KLHL40: variants seen among roughly 807,000 people sequenced by gnomAD.
KLHL40 encodes kelch like family member 40.
A neutral mutation model predicts 49.7 loss-of-function variants in KLHL40; 44 were observed. That is an observed-to-expected ratio of 0.89 (90% confidence interval 0.70 to 1.14). The LOEUF is 1.14. KLHL40 is among the 50% of genes most tolerant of loss of function. The pLI is 0.00. For synonymous variants in KLHL40, 409 were observed against 365.2 expected, an observed-to-expected ratio of 1.12 and a Z score of -1.37; for missense variants, 892 against 850.3, an observed-to-expected ratio of 1.05 and a Z score of -0.61.
chr3:42,688,301 C>T lies in KLHL40; in HGVS notation c.1312C>T (p.Leu438=), dbSNP rs200589852. 2.2e-5 allele frequency: 35 copies of T among 1,613,480 alleles called. No individual in the cohort carries two copies. The highest frequency in any genetic ancestry group is 2.7e-5 in the African/African-American group (2 of 74,736). The change falls in exon 2 of 6, where the codon CTG becomes TTG. Residue 438 remains leucine, a splice_region_variant and synonymous_variant. Coordinates refer to ENST00000287777, the MANE Select transcript of KLHL40 (RefSeq NM_152393.4). The surrounding 1 kb of genome is among the most constrained non-coding windows in gnomAD (Gnocchi z 4.2). ...GGACTCGGTCATGTGCTACGACAGG[C>T]TGTGAGCATGGCTGGGGTGGGGCTG... ...CLDSVMCYDR[L]SFKWGESDPL...
chr3:42,692,264 G>A lies in KLHL40; in HGVS notation c.*271G>A, dbSNP rs1331495817. Reference sequence around the variant, plus strand: ...ACCAGAACCACAGGGCGGTATCCCAGGCCGTGTGCTGGCCCTGCCCCAGCC... The same window carrying A: ...ACCAGAACCACAGGGCGGTATCCCAAGCCGTGTGCTGGCCCTGCCCCAGCC... On this transcript the variant is annotated 3_prime_UTR_variant, in exon 6 of 6. Coordinates refer to ENST00000287777, the MANE Select transcript of KLHL40 (RefSeq NM_152393.4). 3.2e-5 allele frequency: 16 copies of A among 497,910 alleles called. No individual in the cohort carries two copies. Among genetic ancestry groups the A allele is most frequent in the Non-Finnish European group, 4.7e-5 (13 of 276,306 alleles). 30.8% of individuals were successfully genotyped at this position (497,910 alleles called of 1,614,324 possible).
chr3:42,686,975 G>T (rs1472288245), intron 1 of KLHL40, among the ~76,000 whole-genome samples: 3 of 152,246 alleles, frequency 2.0e-5, no homozygotes, highest in Non-Finnish European at 2.9e-5. Flanking sequence ...GCATAACTTT[G>T]GTATCTTAAT....
In KLHL40 at chr3:42,688,593, A is replaced by G. The variant is rs772850867; in HGVS notation, c.1314-17A>G. 6.3e-7 allele frequency: 1 copy of G among 1,598,462 alleles called. No homozygotes were observed. The highest frequency in any genetic ancestry group is 1.3e-5 in the African/African-American group (1 of 74,424). ...TGGATGGGTGCCCTCCCCCACCCCC[A>G]CTCCCGTCTCCTCCAGGTCATTCAA... On this transcript the variant is annotated splice_polypyrimidine_tract_variant and intron_variant, in intron 2 of 5. Transcript: ENST00000287777. This position sits in a 1 kb window ranked among gnomAD's most constrained non-coding sequence, Gnocchi z 4.2.
chr3:42,686,795 C>T, intron 1 of KLHL40, 25 bp downstream of exon 1: 2 of 1,576,022 alleles, frequency 1.3e-6, no homozygotes, highest in Non-Finnish European at 1.7e-6. Flanking sequence ...TTGGGAGCCG[C>T]CAGCTAATGC....
Position 42,692,005 on chromosome 3 carries a change from A to T in KLHL40, c.*12A>T, listed in dbSNP as rs200055551. On this transcript the variant is annotated 3_prime_UTR_variant, in exon 6 of 6. Coordinates refer to ENST00000287777, the MANE Select transcript of KLHL40 (RefSeq NM_152393.4). ...TGACTAAGATGTGACCAGCTCAGGC[A>T]GACTGAACTAAGCACCCCTCCCATC... The T allele has an allele frequency of 6.4e-5, 95 of 1,492,190 alleles. No homozygotes were observed. The African/African-American group carries it at 1.2e-3, about 19-fold the overall frequency. 92.4% of individuals were successfully genotyped at this position (1,492,190 alleles called of 1,614,324 possible).
At chr3:42,689,455 A>G (rs1697327006) in intron 4 of KLHL40, among the ~76,000 whole-genome samples, 1 of 152,020 alleles carries the variant, frequency 6.6e-6, no homozygotes, top group African/African-American at 2.4e-5. Flanking sequence ...CCCCAGACTA[A>G]GGAAAGGTGG....
Position 42,686,344 on chromosome 3 carries a change from T to A in KLHL40, c.726T>A (p.Pro242=), listed in dbSNP as rs1358830095. The A allele has an allele frequency of 2.0e-5, 33 of 1,612,176 alleles. No individual in the cohort carries two copies. Among genetic ancestry groups the A allele is most frequent in the Non-Finnish European group, 2.8e-5 (33 of 1,179,432 alleles). ...TGGAAAGCCGCGTGGAGCGCCACCC[T>A]CTCGTGCGTGCCCAGCCCGAGTTGC... The part of the protein sequence containing the change: ...AFLESRVERH[P]LVRAQPELLR... Residue 242 remains proline (P), a synonymous_variant, in exon 1 of 6, where the codon CCT becomes CCA. Coordinates refer to ENST00000287777, the MANE Select transcript of KLHL40 (RefSeq NM_152393.4).
At position 42,688,194 on chromosome 3, in the gene KLHL40, G is replaced by T; in HGVS notation, c.1205G>T (p.Arg402Leu). Residue 402 changes from arginine to leucine, a missense_variant, in exon 2 of 6, where the codon CGC becomes CTC. Arg to Leu is a moderately radical substitution (Grantham distance 102). Coordinates refer to ENST00000287777, the MANE Select transcript of KLHL40 (RefSeq NM_152393.4). This position sits in a 1 kb window ranked among gnomAD's most constrained non-coding sequence, Gnocchi z 4.2. ...WLGMPPLPSP[R>L]CLFGLGEALN... ...GGGATGCCACCGCTGCCCTCGCCCC[G>T]CTGCCTCTTTGGCCTGGGAGAAGCT... 1.9e-6 allele frequency: 3 copies of T among 1,613,854 alleles called. No homozygotes were observed. The highest frequency in any genetic ancestry group is 2.5e-6 in the Non-Finnish European group (3 of 1,180,006).
In KLHL40 at chr3:42,686,487, C is replaced by A. The variant is rs201567167; in HGVS notation, c.869C>A (p.Ala290Asp). ...GAGGCTGATAAGGGCACAAGCAAAG[C>A]CAAAGCAGAGGAGGATGAGGAGGCC... ...AKEADKGTSKAKAEEDEEAER... is the reference protein window; with the variant it reads ...AKEADKGTSKDKAEEDEEAER... Residue 290 changes from alanine to aspartate, a missense_variant, in exon 1 of 6, where the codon GCC (alanine) becomes GAC (aspartate). By Grantham distance (126) the Ala-to-Asp change is moderately radical. Transcript: ENST00000287777. The A allele has an allele frequency of 1.8e-4, 286 of 1,613,966 alleles. No homozygotes were observed. The highest frequency in any genetic ancestry group is 2.5e-6 in the Non-Finnish European group (3 of 1,180,024).
Position 42,686,683 on chromosome 3 carries a change from T to C in KLHL40, c.1065T>C (p.Val355=), listed in dbSNP as rs1035631084. The C allele has an allele frequency of 6.2e-7, 1 of 1,613,706 alleles. No individual in the cohort carries two copies. The highest frequency in any genetic ancestry group is 8.5e-7 in the Non-Finnish European group (1 of 1,180,020). The part of the protein sequence containing the change: ...NQVPKNHVSL[V]TKENQVFVAG... ...TCCCCAAGAACCACGTCAGCCTGGT[T>C]ACCAAGGAGAACCAGGTCTTCGTGG... Residue 355 remains valine, a synonymous_variant, in exon 1 of 6, where the codon GTT becomes GTC. Transcript: ENST00000287777.
chr3:42,691,089 G>A (rs1697357362), intron 5 of KLHL40, 84 bp downstream of exon 5: 2 of 1,401,660 alleles, frequency 1.4e-6, no homozygotes, highest in Non-Finnish European at 1.9e-6. Flanking sequence ...CAAGGCACTG[G>A]GCAAGCTCCT....
chr3:42,688,817 G>T lies in KLHL40; in HGVS notation c.1422-52G>T. Reference sequence around the variant, plus strand: ...TGCCCCGGCAGGTGATTGCAGGGAGGCGTGGCTGGGCTCCTGCTTCTCTCC... The same window carrying T: ...TGCCCCGGCAGGTGATTGCAGGGAGTCGTGGCTGGGCTCCTGCTTCTCTCC... On this transcript the variant is annotated intron_variant, in intron 3 of 5. Transcript: ENST00000287777. This position sits in a 1 kb window ranked among gnomAD's most constrained non-coding sequence, Gnocchi z 4.2. The T allele has an allele frequency of 5.0e-6, 8 of 1,591,226 alleles. No individual in the cohort carries two copies. The highest frequency in any genetic ancestry group is 1.3e-5 in the African/African-American group (1 of 74,560).
rs1277430001 is a variant in KLHL40 at position 42,685,798 on chromosome 3, G to A, written c.180G>A (p.Ala60=). 1 of 1,612,130 alleles carries A rather than the reference G, an allele frequency of 6.2e-7. No individual in the cohort carries two copies. Among genetic ancestry groups the A allele is most frequent in the Non-Finnish European group, 8.5e-7 (1 of 1,179,544 alleles). The change falls in exon 1 of 6, where the codon GCG becomes GCA. Residue 60 remains alanine (A), a synonymous_variant. Transcript: ENST00000287777. Reference sequence around the variant, plus strand: ...CCGCCTGCAGCCCCTACTTCCGGGCGCGCTTTCTAGCCGAGCCGGAGCGCG... The same window carrying A: ...CCGCCTGCAGCCCCTACTTCCGGGCACGCTTTCTAGCCGAGCCGGAGCGCG... The part of the protein sequence containing the change: ...VLAACSPYFR[A]RFLAEPERAG...
intron 1 of KLHL40, 100 bp downstream of exon 1, chr3:42,686,870 C>G: frequency 9.7e-7 from 1 of 1,035,988 alleles, no homozygotes; most frequent in Non-Finnish European, 1.4e-6. Flanking sequence ...CAAGTGAATG[C>G]CACTGGGTCT....
chr3:42,689,379 G>T (rs987656187), intron 4 of KLHL40, among the ~76,000 whole-genome samples: 1 of 152,174 alleles, frequency 6.6e-6, no homozygotes, highest in African/African-American at 2.4e-5. Context: ...TCAGAAAAGA[G>T]AAAACTGAAC....
At chr3:42,689,076 G>A (rs758594602) in intron 4 of KLHL40, 22 bp downstream of exon 4, 25 of 1,592,000 alleles carry the variant, frequency 1.6e-5, no homozygotes, top group Middle Eastern at 1.7e-4. Context: ...TGTCCCTTCC[G>A]CCAAGGACAA....
chr3:42,691,052 A>G (rs759787012), intron 5 of KLHL40, 47 bp downstream of exon 5: 34 of 1,558,528 alleles, frequency 2.2e-5, no homozygotes, highest in Non-Finnish European at 2.9e-5. Flanking sequence ...AGCAAGGCTG[A>G]CACCCCATAG....
At chr3:42,686,890 T>G (rs1697281696) in intron 1 of KLHL40, 120 bp downstream of exon 1, 2 of 869,226 alleles carry the variant, frequency 2.3e-6, no homozygotes, top group Non-Finnish European at 3.5e-6. Context: ...TAGGGTGAGA[T>G]GTAGACTGGG....
At position 42,691,956 on chromosome 3, in the gene KLHL40, C is replaced by G; in HGVS notation, c.1829C>G (p.Pro610Arg). ...TATGCAGCAGGTGCCACCTTCCTAC[C>G]AGTGCGGCTCAATGTGCTGTGCCTG... ...IAYAAGATFL[P>R]VRLNVLCLTK... Residue 610 changes from proline to arginine, a missense_variant, in exon 6 of 6, where the codon CCA becomes CGA. Pro to Arg is a moderately radical substitution (Grantham distance 103). Coordinates refer to ENST00000287777, the MANE Select transcript of KLHL40 (RefSeq NM_152393.4). The G allele has an allele frequency of 1.9e-6, 3 of 1,613,226 alleles. No individual in the cohort carries two copies. The highest frequency in any genetic ancestry group is 2.5e-6 in the Non-Finnish European group (3 of 1,179,154).
Sources: gnomAD v4.1 joint callset for allele counts (sites outside exome capture counted in the v4.1 genomes callset) on GRCh38, gnomAD v4.1.1 for gene constraint, Gnocchi (gnomAD v3.1) non-coding constraint, MANE v1.5 for transcripts, NCBI Gene and HGNC (gene_info 2026-07-23, HGNC 2026-07-21) for gene names.